The following SGCD variants were observed in gnomAD, a reference collection of about 807,000 sequenced individuals.
The protein encoded by SGCD is delta-sarcoglycan.
Under a neutral mutation model 36.6 loss-of-function variants are expected in SGCD, and 18 were observed. That is an observed-to-expected ratio of 0.49 (90% CI 0.34 to 0.73). The LOEUF is 0.73. Ranked by LOEUF, SGCD falls within the 30% of genes least tolerant of loss-of-function variation. SGCD has a pLI of 0.01. For synonymous variants in SGCD, 133 were observed against 130.6 expected, an observed-to-expected ratio of 1.02 and a Z score of -0.12; for missense variants, 387 against 346.7, an observed-to-expected ratio of 1.12 and a Z score of -0.92.
At chr5:156,696,503 C>T (rs1409232162) in intron 7 of SGCD, among the ~76,000 whole-genome samples, 1 of 152,090 alleles carries the variant, frequency 6.6e-6, no homozygotes, top group Non-Finnish European at 1.5e-5. Flanking sequence ...TCAATGCTTG[C>T]AATTTAAATA....
At chr5:156,469,821 C>G (rs1489105209) in intron 3 of SGCD, among the ~76,000 whole-genome samples, 1 of 152,108 alleles carries the variant, frequency 6.6e-6, no homozygotes, top group Admixed American at 6.6e-5. Context: ...GTAATGAATA[C>G]TTGGTTTGAC....
chr5:155,976,527 G>A (rs1052299330), intron 1 of SGCD, among the ~76,000 whole-genome samples: 3 of 152,106 alleles, frequency 2.0e-5, no homozygotes, highest in Non-Finnish European at 4.4e-5. Flanking sequence ...CACCGTGCTC[G>A]GTAGCTGACA....
the SGCD span, among the ~76,000 whole-genome samples, chr5:155,730,048 A>G: frequency 6.6e-6 from 1 of 152,136 alleles, no homozygotes; most frequent in East Asian, 1.9e-4. Context: ...AGATTCATAC[A>G]CAAGGGCAGG....
intron 1 of SGCD, among the ~76,000 whole-genome samples, chr5:155,973,346 T>G (rs1372019347): frequency 6.6e-6 from 1 of 152,132 alleles, no homozygotes; most frequent in Non-Finnish European, 1.5e-5. Context: ...TTTAAACATA[T>G]TCCCTTTGAA....
At chr5:155,938,428 A>G (rs1757260378) in intron 1 of SGCD, among the ~76,000 whole-genome samples, 1 of 152,226 alleles carries the variant, frequency 6.6e-6, no homozygotes, top group Non-Finnish European at 1.5e-5. Context: ...ATTATAGATG[A>G]GTAAACAAAC....
At chr5:156,727,442 G>A (rs868620142) in intron 7 of SGCD, among the ~76,000 whole-genome samples, 2 of 152,212 alleles carry the variant, frequency 1.3e-5, no homozygotes, top group African/African-American at 4.8e-5. Context: ...TGGACAGCCA[G>A]TGTTCAATAT....
chr5:156,451,692 G>T (rs192271197), intron 3 of SGCD, among the ~76,000 whole-genome samples: 1 of 152,260 alleles, frequency 6.6e-6, no homozygotes, highest in East Asian at 1.9e-4. Flanking sequence ...TCCTTACTCA[G>T]TGAACTGCTG....
chr5:156,326,375 C>A (rs1561620626), upstream of SGCD, among the ~76,000 whole-genome samples: 1 of 152,148 alleles, frequency 6.6e-6, no homozygotes, highest in African/African-American at 2.4e-5. Context: ...TTTCCATAAC[C>A]ATAACACACA....
intron 3 of SGCD, among the ~76,000 whole-genome samples, chr5:156,419,227 A>G (rs976523334): frequency 3.3e-5 from 5 of 152,184 alleles, no homozygotes; most frequent in Non-Finnish European, 1.5e-5. Flanking sequence ...ACAAGTAACA[A>G]TATCAATCAC....
chr5:156,694,157 T>A (rs896138327), intron 7 of SGCD, among the ~76,000 whole-genome samples: 2 of 152,172 alleles, frequency 1.3e-5, no homozygotes, highest in African/African-American at 4.8e-5. Context: ...CTGCAATACA[T>A]TGTCTAATTA....
the SGCD span, among the ~76,000 whole-genome samples, chr5:155,809,428 T>C: frequency 6.6e-6 from 1 of 152,216 alleles, no homozygotes; most frequent in Non-Finnish European, 1.5e-5. Context: ...TCTGGAGGTA[T>C]GTCTCGCTAA....
rs70984404 is a variant in SGCD at position 156,333,783 on chromosome 5, A to ATTTTTTTTTTTTTTTTTTTTTT, written c.3+4220_3+4241dup. On this transcript the variant is annotated intron_variant, in intron 2 of 8. Coordinates refer to ENST00000337851, the MANE Select transcript of SGCD (RefSeq NM_000337.6). ...GTGCTTTCTTTATGTTAGAAAAGTG[A>ATTTTTTTTTTTTTTTTTTTTTT]TTTTTTTTTTTTTTTTTTTTTTTTT... Among the ~76,000 whole-genome samples the ATTTTTTTTTTTTTTTTTTTTTT allele has an allele frequency of 6.0e-4, 12 of 19,966 alleles. 5 individuals are homozygous for ATTTTTTTTTTTTTTTTTTTTTT. Among genetic ancestry groups the ATTTTTTTTTTTTTTTTTTTTTT allele is most frequent in the African/African-American group, 7.6e-4 (4 of 5,236 alleles). 13.1% of individuals were successfully genotyped at this position (19,966 alleles called of 152,430 possible). A position where few individuals can be genotyped will look rare whatever the true frequency, so the allele number is the denominator to read the frequency against.
chr5:156,121,364 C>A (rs918890390), intron 2 of SGCD, among the ~76,000 whole-genome samples: 7 of 152,072 alleles, frequency 4.6e-5, no homozygotes, highest in Admixed American at 1.3e-4. Flanking sequence ...TTCATCATCT[C>A]TCTTTTATAG....
intron 1 of SGCD, among the ~76,000 whole-genome samples, chr5:155,890,517 A>G (rs1035180044): frequency 6.6e-6 from 1 of 152,022 alleles, no homozygotes; most frequent in Non-Finnish European, 1.5e-5. Flanking sequence ...GCTGAAGGGG[A>G]GGATTGCATG....
chr5:156,244,017 T>A (rs1360430253), intron 3 of SGCD, among the ~76,000 whole-genome samples: 2 of 152,222 alleles, frequency 1.3e-5, no homozygotes, highest in East Asian at 3.8e-4. Context: ...AAGAGTCACA[T>A]GACAGTGAAG....
intron 1 of SGCD, among the ~76,000 whole-genome samples, chr5:156,046,816 A>G (rs889667014): frequency 4.6e-5 from 7 of 152,124 alleles, no homozygotes; most frequent in Non-Finnish European, 5.9e-5. Flanking sequence ...GAAGTATCAC[A>G]TATCTCTCAC....
intron 6 of SGCD, among the ~76,000 whole-genome samples, chr5:156,606,261 C>T (rs546382204): frequency 0.024 from 3,720 of 152,126 alleles, 159 homozygotes; most frequent in Admixed American, 0.1. Context: ...GCTTTCTACA[C>T]ATGGCTAGCC....
intron 4 of SGCD, among the ~76,000 whole-genome samples, chr5:156,544,788 A>G (rs1455082646): frequency 6.6e-6 from 1 of 152,200 alleles, no homozygotes; most frequent in Non-Finnish European, 1.5e-5. Flanking sequence ...TACTATTATT[A>G]TCATTGACCA....
chr5:156,079,707 C>G (rs1401897894), intron 1 of SGCD, among the ~76,000 whole-genome samples: 1 of 152,244 alleles, frequency 6.6e-6, no homozygotes, highest in Non-Finnish European at 1.5e-5. Flanking sequence ...ATCCAGGGCA[C>G]AATTCTGCAA....
Sources: gnomAD v4.1 joint callset for allele counts (sites outside exome capture counted in the v4.1 genomes callset) on GRCh38, gnomAD v4.1.1 for gene constraint, MANE v1.5 for transcripts, NCBI Gene and HGNC (gene_info 2026-07-23, HGNC 2026-07-21) for gene names.